The following PDE5A variants were observed in gnomAD, a reference collection of about 807,000 sequenced individuals.
PDE5A encodes the protein phosphodiesterase 5A, also known as cGMP-specific 3',5'-cyclic phosphodiesterase.
A neutral mutation model predicts 110.2 loss-of-function variants in PDE5A; 67 were observed. That is an observed-to-expected ratio of 0.61 (90% CI 0.50 to 0.75). The LOEUF (loss-of-function observed/expected upper bound fraction) is 0.75. PDE5A is among the 30% of genes least tolerant of loss of function. PDE5A has a pLI of 0.00. For missense variants in PDE5A, 862 were observed against 1,045.1 expected (o/e 0.82, Z 2.42); for synonymous variants, 328 against 351.2 (o/e 0.93, Z 0.74).
At chr4:119,613,317 A>G (rs1729820680) in intron 1 of PDE5A, among the ~76,000 whole-genome samples, 1 of 152,222 alleles carries the variant, frequency 6.6e-6, no homozygotes, top group African/African-American at 2.4e-5. Context: ...TAAAGCTCCA[A>G]CCAAAACCTT....
chr4:119,525,979 C>T lies in PDE5A; in HGVS notation c.1633-284G>A, dbSNP rs1322090704. Reference sequence around the variant, plus strand: ...ACAGTGAGCAACACTAAGAACTCCTCTAGTGATCTGGCTCCTTTATACCTC... The same window carrying T: ...ACAGTGAGCAACACTAAGAACTCCTTTAGTGATCTGGCTCCTTTATACCTC... On this transcript the variant is annotated intron_variant, in intron 11 of 20. Coordinates refer to ENST00000354960, the MANE Select transcript of PDE5A (RefSeq NM_001083.4). The surrounding 1 kb of genome is among the most constrained non-coding windows in gnomAD (Gnocchi z 4.3). Among the ~76,000 whole-genome samples, 2 of 152,116 alleles carry T rather than the reference C, an allele frequency of 1.3e-5. No individual in the cohort carries two copies. Among genetic ancestry groups the T allele is most frequent in the East Asian group, 1.9e-4 (1 of 5,168 alleles).
chr4:119,566,925 A>G, intron 4 of PDE5A, 148 bp downstream of exon 4: 1 of 650,646 alleles, frequency 1.5e-6, no homozygotes, highest in South Asian at 2.0e-5. Context: ...TATTTAGCCT[A>G]AGATACACTT....
intron 11 of PDE5A, among the ~76,000 whole-genome samples, chr4:119,537,114 A>T (rs1373861865): frequency 1.3e-5 from 2 of 152,106 alleles, no homozygotes; most frequent in African/African-American, 4.8e-5. Flanking sequence ...TGTTATTCTC[A>T]CACTGACTCC....
chr4:119,586,722 T>C (rs552181691), intron 3 of PDE5A, among the ~76,000 whole-genome samples: 1 of 152,308 alleles, frequency 6.6e-6, no homozygotes, highest in African/African-American at 2.4e-5. Context: ...CAAAATTAAA[T>C]TTATAAATCA....
At chr4:119,515,784 T>C (rs993287773) in intron 14 of PDE5A, among the ~76,000 whole-genome samples, 1 of 152,180 alleles carries the variant, frequency 6.6e-6, no homozygotes, top group African/African-American at 2.4e-5. Context: ...TTTTTCAGCT[T>C]ATACTTGACT....
At chr4:119,541,612 A>G (rs925177309) in intron 10 of PDE5A, 1 of 152,120 alleles carries the variant, frequency 6.6e-6, no homozygotes, top group Non-Finnish European at 1.5e-5. Flanking sequence ...AAGGTTAGTT[A>G]TGTACTTAAG....
In PDE5A at chr4:119,498,513, A is replaced by G; in HGVS notation, c.*88T>C. On this transcript the variant is annotated 3_prime_UTR_variant, in exon 21 of 21. Coordinates refer to ENST00000354960, the MANE Select transcript of PDE5A (RefSeq NM_001083.4). ...CAGTGGCAAAGTATATACCAAATAC[A>G]GACACTATACAGACAGTGTGTAAGA... is the stretch of plus-strand genomic sequence containing the variant. 1.4e-6 allele frequency: 2 copies of G among 1,441,342 alleles called. No individual in the cohort carries two copies. The highest frequency in any genetic ancestry group is 1.2e-5 in the South Asian group (1 of 81,568). 89.3% of individuals were successfully genotyped at this position (1,441,342 alleles called of 1,614,324 possible).
At chr4:119,564,918 G>C (rs1727872038) in intron 5 of PDE5A, among the ~76,000 whole-genome samples, 1 of 152,082 alleles carries the variant, frequency 6.6e-6, no homozygotes, top group African/African-American at 2.4e-5. Flanking sequence ...GAGATAAAGA[G>C]AACAGGGGAT....
In PDE5A at chr4:119,606,971, G is replaced by C. The variant is rs143358473; in HGVS notation, c.479C>G (p.Ser160Cys). ...TAAGGCTGTGACATCCAAATGACTA[G>C]AAATATCCTTCACTAATTCCAAGAG... is the stretch of plus-strand genomic sequence containing the variant. ...SRLLELVKDI[S>C]SHLDVTALCH... The change falls in exon 2 of 21, where the codon TCT becomes TGT. Residue 160 changes from serine to cysteine, a missense_variant. Transcript: ENST00000354960. 1.9e-6 allele frequency: 3 copies of C among 1,614,196 alleles called. No individual in the cohort carries two copies. The highest frequency in any genetic ancestry group is 2.7e-5 in the African/African-American group (2 of 75,052).
chr4:119,610,956 C>T (rs1009350310), intron 1 of PDE5A, among the ~76,000 whole-genome samples: 1 of 152,192 alleles, frequency 6.6e-6, no homozygotes, highest in South Asian at 2.1e-4. Context: ...AACATCTTAG[C>T]TACCCTACTT....
Position 119,625,196 on chromosome 4 carries a change from T to A in PDE5A, c.152+3324A>T, listed in dbSNP as rs111905920. 8.1e-3 allele frequency among the ~76,000 whole-genome samples: 1,231 copies of A among 152,246 alleles called. 11 individuals carry two copies. The highest frequency in any genetic ancestry group is 0.028 in the African/African-American group (1,174 of 41,528). ...TTTTAGTAGAGACGGGGTTTCACCA[T>A]GTTGGTCAGTCAGGCTGGTCTTGAA... On this transcript the variant is annotated intron_variant, in intron 1 of 20. Transcript: ENST00000354960.
chr4:119,553,848 A>G (rs772890541), intron 7 of PDE5A, 102 bp from the exon 8 acceptor site: 54 of 662,878 alleles, frequency 8.1e-5, no homozygotes, highest in Non-Finnish European at 1.3e-4. Flanking sequence ...GCCTTAAATT[A>G]TAAGGCATAT....
At chr4:119,536,148 T>C (rs561295609) in intron 11 of PDE5A, among the ~76,000 whole-genome samples, 1 of 152,312 alleles carries the variant, frequency 6.6e-6, no homozygotes, top group East Asian at 1.9e-4. Context: ...TACTGGAATA[T>C]AGCAATTTTC....
chr4:119,532,750 G>C (rs985609086), intron 11 of PDE5A, among the ~76,000 whole-genome samples: 2 of 151,930 alleles, frequency 1.3e-5, no homozygotes, highest in African/African-American at 4.8e-5. Context: ...TCATGAGAAA[G>C]GTCTATATTT....
At chr4:119,542,945 T>C (rs951141157) in intron 9 of PDE5A, 4 of 231,936 alleles carry the variant, frequency 1.7e-5, no homozygotes, top group Admixed American at 5.3e-5. Flanking sequence ...TGGAAGCTAA[T>C]TGGATTTTTG....
chr4:119,520,904 T>C (rs1466903583), intron 13 of PDE5A, 31 bp downstream of exon 13: 1 of 1,582,680 alleles, frequency 6.3e-7, no homozygotes, highest in Non-Finnish European at 8.6e-7. Flanking sequence ...CAACAAAATG[T>C]ATTAGATATA....
intron 7 of PDE5A, among the ~76,000 whole-genome samples, chr4:119,554,453 G>A (rs1009163645): frequency 6.6e-6 from 1 of 152,066 alleles, no homozygotes; most frequent in African/African-American, 2.4e-5. Context: ...CTGATGCCAG[G>A]GGGTACAGTG....
intron 11 of PDE5A, among the ~76,000 whole-genome samples, chr4:119,531,688 G>T (rs943030347): frequency 3.3e-5 from 5 of 152,058 alleles, no homozygotes; most frequent in African/African-American, 1.2e-4. Context: ...ACTAGATATT[G>T]AAAATTGATG....
intron 9 of PDE5A, among the ~76,000 whole-genome samples, chr4:119,544,162 C>T (rs1268327517): frequency 1.3e-5 from 2 of 152,132 alleles, no homozygotes; most frequent in East Asian, 3.9e-4. Flanking sequence ...GCACATTAAG[C>T]CCCTTTACCA....
Sources: gnomAD v4.1 joint callset for allele counts (sites outside exome capture counted in the v4.1 genomes callset) on GRCh38, gnomAD v4.1.1 for gene constraint, Gnocchi (gnomAD v3.1) non-coding constraint, MANE v1.5 for transcripts, NCBI Gene and HGNC (gene_info 2026-07-23, HGNC 2026-07-21) for gene names.